The following AGAP1 variants were observed in gnomAD, a reference collection of about 807,000 sequenced individuals.
The protein encoded by AGAP1 is ArfGAP with GTPase domain, ankyrin repeat and PH domain 1.
AGAP1 carries 29 observed loss-of-function variants against 105.3 expected under a neutral mutation model. The observed-to-expected ratio is 0.28, with a 90% CI of 0.21 to 0.38. AGAP1 has a LOEUF of 0.38. Among genes scored for constraint, AGAP1 ranks in the 10% least tolerant of loss-of-function variants. The probability of loss-of-function intolerance (pLI) is 1.00; values close to 1 mark genes in which losing one functional copy is unlikely to be tolerated. For synonymous variants in AGAP1, 509 were observed against 485.9 expected, an observed-to-expected ratio of 1.05 and a Z score of -0.63; for missense variants, 998 against 1,165.1, an observed-to-expected ratio of 0.86 and a Z score of 2.09.
chr2:235,575,477 C>T (rs1337556312), intron 1 of AGAP1, among the ~76,000 whole-genome samples: 5 of 152,162 alleles, frequency 3.3e-5, no homozygotes, highest in Admixed American at 6.5e-5. Flanking sequence ...AAAGCTGAGC[C>T]GAGGAAACTG....
rs1345681549 is a variant in AGAP1 at position 235,973,942 on chromosome 2, A to C, written c.1645+5319A>C. 1.3e-5 allele frequency among the ~76,000 whole-genome samples: 2 copies of C among 152,122 alleles called. No individual in the cohort carries two copies. The highest frequency in any genetic ancestry group is 2.4e-5 in the African/African-American group (1 of 41,412). On this transcript the variant is annotated intron_variant, in intron 13 of 17. Transcript: ENST00000304032. The surrounding 1 kb of genome is among the most constrained non-coding windows in gnomAD (Gnocchi z 4.7). The stretch of plus-strand genomic sequence containing the variant: ...TTTTGCAGATCTTTAATGGCTTGTC[A>C]GCTCTTGGCATTGTCTTTGAATTAC...
In AGAP1 at chr2:235,747,500, C is replaced by T. The variant is rs1953055362; in HGVS notation, c.538+2661C>T. On this transcript the variant is annotated intron_variant, in intron 5 of 17. Transcript: ENST00000304032. The surrounding 1 kb of genome is among the most constrained non-coding windows in gnomAD (Gnocchi z 5.0). ...CCCGGGGTGAGCAGGTAAGCGGGCCCCATGCCCTCCCTGCAGGACTCCTCT... is the reference window on the plus strand; with the variant it reads ...CCCGGGGTGAGCAGGTAAGCGGGCCTCATGCCCTCCCTGCAGGACTCCTCT... Among the ~76,000 whole-genome samples the T allele has an allele frequency of 6.6e-6, 1 of 151,898 alleles. No homozygotes were observed. Among genetic ancestry groups the T allele is most frequent in the Non-Finnish European group, 1.5e-5 (1 of 68,016 alleles).
At chr2:236,068,355 T>C (rs1362296246) in intron 16 of AGAP1, among the ~76,000 whole-genome samples, 1 of 152,068 alleles carries the variant, frequency 6.6e-6, no homozygotes, top group African/African-American at 2.4e-5. Flanking sequence ...TTCCATAATA[T>C]AATAACCCTT....
rs565591577 is a variant in AGAP1 at position 235,858,514 on chromosome 2, T to C, written c.1051-24831T>C. On this transcript the variant is annotated intron_variant, in intron 9 of 17. Transcript: ENST00000304032. Reference sequence around the variant, plus strand: ...ATGTTTGAGTTTAAGATGCAGTAGGTTAGGGGGAAAATGTTTTAAAACCAT... The same window carrying C: ...ATGTTTGAGTTTAAGATGCAGTAGGCTAGGGGGAAAATGTTTTAAAACCAT... Among the ~76,000 whole-genome samples the C allele has an allele frequency of 2.6e-5, 4 of 152,204 alleles. No homozygotes were observed. In the South Asian group the frequency reaches 8.3e-4, roughly 32 times the overall value.
intron 1 of AGAP1, among the ~76,000 whole-genome samples, chr2:235,520,655 T>A (rs1942578981): frequency 6.6e-6 from 1 of 152,188 alleles, no homozygotes; most frequent in East Asian, 1.9e-4. Flanking sequence ...TTTATAATTC[T>A]CTCATTATTT....
In AGAP1 at chr2:236,036,776, A is replaced by C. The variant is rs557189407; in HGVS notation, c.1800+61A>C. The C allele has an allele frequency of 1.9e-6, 3 of 1,600,024 alleles. No homozygotes were observed. The highest frequency in any genetic ancestry group is 2.2e-5 in the East Asian group (1 of 44,832). ...CTGCTCAGGGGGAGTGCGGGCCCCA[A>C]GTAATGCCCCAGGGAGGAGAAAATA... On this transcript the variant is annotated intron_variant, in intron 14 of 17. Coordinates refer to ENST00000304032, the MANE Select transcript of AGAP1 (RefSeq NM_001037131.3). The surrounding 1 kb of genome is among the most constrained non-coding windows in gnomAD (Gnocchi z 5.7).
At chr2:235,984,574 AT>A (rs750634984) in intron 13 of AGAP1, among the ~76,000 whole-genome samples, 10 of 148,870 alleles carry the variant, frequency 6.7e-5, no homozygotes, top group Non-Finnish European at 1.5e-4. Context: ...TGCGGCACCT[AT>A]TGACCCATTT....
chr2:235,562,702 C>T (rs547121069), intron 1 of AGAP1, among the ~76,000 whole-genome samples: 32 of 152,270 alleles, frequency 2.1e-4, no homozygotes, highest in Admixed American at 1.5e-3. Context: ...GTCCTGGCTC[C>T]GGTCCTCTGC....
At chr2:235,738,255 C>T (rs543219544) in intron 3 of AGAP1, among the ~76,000 whole-genome samples, 1 of 152,120 alleles carries the variant, frequency 6.6e-6, no homozygotes, top group East Asian at 1.9e-4. Context: ...ATAAATGGGG[C>T]AGGGATGGTG....
Position 236,124,240 on chromosome 2 carries a change from C to A in AGAP1, c.*118C>A. The A allele has an allele frequency of 8.7e-7, 1 of 1,148,548 alleles. No individual in the cohort carries two copies. The highest frequency in any genetic ancestry group is 1.2e-6 in the Non-Finnish European group (1 of 803,796). The allele number at this position is 1,148,548 out of a possible 1,614,324, so 71.1% of individuals were successfully genotyped here. On this transcript the variant is annotated 3_prime_UTR_variant, in exon 18 of 18. Transcript: ENST00000304032. This position sits in a 1 kb window ranked among gnomAD's most constrained non-coding sequence, Gnocchi z 5.1. Reference sequence around the variant, plus strand: ...TCCCCTCCCTCTTCCTGGTGGCCACCTCCCTCCCGCCCACCCACTCTCACC... The same window carrying A: ...TCCCCTCCCTCTTCCTGGTGGCCACATCCCTCCCGCCCACCCACTCTCACC...
chr2:235,546,743 G>A (rs1943635111), intron 1 of AGAP1, among the ~76,000 whole-genome samples: 1 of 152,192 alleles, frequency 6.6e-6, no homozygotes. Flanking sequence ...GGGTGGGTCA[G>A]AACAAGGAGC....
At chr2:235,809,514 A>G (rs1049091937) in intron 9 of AGAP1, among the ~76,000 whole-genome samples, 5 of 152,084 alleles carry the variant, frequency 3.3e-5, no homozygotes, top group African/African-American at 1.2e-4. Context: ...CGTCTGTAAA[A>G]TGGGGAACTG....
intron 12 of AGAP1, among the ~76,000 whole-genome samples, chr2:235,933,619 G>A (rs556465836): frequency 8.8e-4 from 131 of 148,546 alleles, no homozygotes; most frequent in Non-Finnish European, 1.7e-3. Flanking sequence ...TGCAACCTCC[G>A]CCTCCCGGAC....
intron 1 of AGAP1, among the ~76,000 whole-genome samples, chr2:235,587,766 A>C (rs1945168616): frequency 6.6e-6 from 1 of 151,864 alleles, no homozygotes; most frequent in South Asian, 2.1e-4. Context: ...AAAAAAAAAA[A>C]AAGTCACAAC....
chr2:235,806,237 G>T (rs1238319624), intron 8 of AGAP1, among the ~76,000 whole-genome samples: 1 of 152,134 alleles, frequency 6.6e-6, no homozygotes, highest in African/African-American at 2.4e-5. Context: ...TCTCAGATTT[G>T]AAAAGCACGT....
At position 235,746,377 on chromosome 2, in the gene AGAP1, C is replaced by CTTTTTTTTTTTTTTTTTTTTTTTTT. The variant is rs1172393048; in HGVS notation, c.538+1548_538+1572dup. On this transcript the variant is annotated intron_variant, in intron 5 of 17. Coordinates refer to ENST00000304032, the MANE Select transcript of AGAP1 (RefSeq NM_001037131.3). ...GCTTCCTGGAGAGCACCTCCCCCAA[C>CTTTTTTTTTTTTTTTTTTTTTTTTT]TTTTTTTTTTTTTTTTTTTTTTTTT... 1.6e-4 allele frequency among the ~76,000 whole-genome samples: 9 copies of CTTTTTTTTTTTTTTTTTTTTTTTTT among 55,562 alleles called. 1 individual carries two copies. Among genetic ancestry groups the CTTTTTTTTTTTTTTTTTTTTTTTTT allele is most frequent in the East Asian group, 5.8e-4 (1 of 1,710 alleles). 36.5% of individuals were successfully genotyped at this position (55,562 alleles called of 152,430 possible).
rs1365828653 is a variant in AGAP1, at chr2:236,045,843, CTCAG to C, written c.1892-3211_1892-3208del. ...GCTGGAGCGGAGGCAAGGTTCTCCC[CTCAG>C]TCAGCCCCAGCCTTACCTGTCTCTA... On this transcript the variant is annotated intron_variant, in intron 15 of 17. Coordinates refer to ENST00000304032, the MANE Select transcript of AGAP1 (RefSeq NM_001037131.3). This position sits in a 1 kb window ranked among gnomAD's most constrained non-coding sequence, Gnocchi z 6.9. 7.2e-6 allele frequency: 3 copies of C among 418,156 alleles called. No homozygotes were observed. The highest frequency in any genetic ancestry group is 1.6e-5 in the Non-Finnish European group (3 of 193,402). The allele number at this position is 418,156 out of a possible 1,614,324, so 25.9% of individuals were successfully genotyped here. A position where few individuals can be genotyped will look rare whatever the true frequency, so the allele number is the denominator to read the frequency against.
At position 235,623,449 on chromosome 2, in the gene AGAP1, C is replaced by T. The variant is rs1946548881; in HGVS notation, c.164-85730C>T. 6.6e-6 allele frequency among the ~76,000 whole-genome samples: 1 copy of T among 152,172 alleles called. No individual in the cohort carries two copies. On this transcript the variant is annotated intron_variant, in intron 1 of 17. Coordinates refer to ENST00000304032, the MANE Select transcript of AGAP1 (RefSeq NM_001037131.3). This position sits in a 1 kb window ranked among gnomAD's most constrained non-coding sequence, Gnocchi z 4.5. ...CTGCACGTGGTGGCTTTGGGATTTG[C>T]TGCTTCAAGGTTTCAGGATGACACA...
intron 1 of AGAP1, among the ~76,000 whole-genome samples, chr2:235,568,152 C>T (rs78156126): frequency 6.6e-6 from 1 of 152,260 alleles, no homozygotes; most frequent in East Asian, 1.9e-4. Flanking sequence ...GAGCTGCAGC[C>T]TCCATGAAAG....
Sources: gnomAD v4.1 joint callset for allele counts (sites outside exome capture counted in the v4.1 genomes callset) on GRCh38, gnomAD v4.1.1 for gene constraint, Gnocchi (gnomAD v3.1) non-coding constraint, MANE v1.5 for transcripts, NCBI Gene and HGNC (gene_info 2026-07-23, HGNC 2026-07-21) for gene names.